The following UBA1 variants were observed in gnomAD, a reference collection of about 807,000 sequenced individuals.
UBA1 encodes the protein ubiquitin like modifier activating enzyme 1, also known as ubiquitin-like modifier-activating enzyme 1.
Under a neutral mutation model 84.7 loss-of-function variants are expected in UBA1, and 4 were observed. The ratio of observed to expected loss-of-function variants is 0.05; its 90% CI spans 0.02 to 0.11. The LOEUF (loss-of-function observed/expected upper bound fraction) is 0.11, where lower values mean the gene tolerates loss of function less well. Ranked by LOEUF, UBA1 falls within the 10% of genes least tolerant of loss-of-function variation. The pLI, the probability that UBA1 is intolerant of heterozygous loss-of-function variation, is 1.00. For synonymous variants in UBA1, 364 were observed against 362.6 expected, an observed-to-expected ratio of 1.00 and a Z score of -0.04; for missense variants, 513 against 902.8, an observed-to-expected ratio of 0.57 and a Z score of 5.53.
chrX:47,197,045 A>G, intron 1 of UBA1: 2 of 699,501 alleles, frequency 2.9e-6, no homozygotes, highest in Non-Finnish European at 3.4e-6. Context: ...GAGTCAGTAA[A>G]TGGAAAATAT....
intron 5 of UBA1, among the ~76,000 whole-genome samples, chrX:47,199,929 C>T (rs930405970): frequency 3.6e-4 from 40 of 110,282 alleles, no homozygotes; most frequent in African/African-American, 1.3e-3. Flanking sequence ...ACTACAGGCG[C>T]CTGCCACCAC....
In UBA1 at chrX:47,198,007, C is replaced by T. The variant is rs1175257085; in HGVS notation, c.1-796C>T. On this transcript the variant is annotated intron_variant, in intron 1 of 25. Transcript: ENST00000335972. ...AATACTCATTTATCATTGTGGTTAA[C>T]CTGTTTAAGGGACTCCGCATGCAGA... The T allele has an allele frequency of 3.4e-6, 3 of 875,927 alleles. No homozygotes were observed. In the Admixed American group the frequency reaches 1.7e-4, roughly 50 times the overall value. 72.2% of individuals were successfully genotyped at this position (875,927 alleles called of 1,213,427 possible).
chrX:47,194,543 C>T (rs1453276405), intron 1 of UBA1, among the ~76,000 whole-genome samples: 2 of 111,771 alleles, frequency 1.8e-5, no homozygotes, highest in Non-Finnish European at 3.8e-5. Context: ...TAGCATTTTC[C>T]TTCAGACCCC....
chrX:47,197,697 T>TA (rs1206740281), intron 1 of UBA1: 1 of 674,627 alleles, frequency 1.5e-6, no homozygotes, highest in Non-Finnish European at 1.8e-6. Context: ...GCAAGGACAC[T>TA]AAACTCTGCC....
intron 14 of UBA1, among the ~76,000 whole-genome samples, chrX:47,204,010 A>C (rs1319522587): frequency 5.5e-5 from 6 of 109,178 alleles, no homozygotes; most frequent in Non-Finnish European, 1.1e-4. Context: ...AGCCTCCCAA[A>C]GTGTTGGTAT....
chrX:47,196,551 T>C (rs1936212778), intron 1 of UBA1, among the ~76,000 whole-genome samples: 1 of 111,097 alleles, frequency 9.0e-6, no homozygotes, highest in Non-Finnish European at 1.9e-5. Context: ...TGAGCAAATG[T>C]TGAGGTAGGA....
chrX:47,203,003 C>G lies in UBA1; in HGVS notation c.1294C>G (p.Leu432Val). 1.7e-6 allele frequency: 2 copies of G among 1,211,928 alleles called. No homozygotes were observed. The highest frequency in any genetic ancestry group is 2.2e-6 in the Non-Finnish European group (2 of 895,449). The change falls in exon 12 of 26, where the codon CTC becomes GTC. Residue 432 changes from leucine to valine, a missense_variant. Transcript: ENST00000335972. ...QWLYFDALEC[L>V]PEDKEVLTED... ...GCTATACTTTGATGCCCTTGAGTGTCTCCCTGAGGACAAAGAGGTCCTCAC... is the reference window on the plus strand; with the variant it reads ...GCTATACTTTGATGCCCTTGAGTGTGTCCCTGAGGACAAAGAGGTCCTCAC...
intron 14 of UBA1, chrX:47,205,186 C>G (rs1936609714): frequency 1.9e-5 from 4 of 206,100 alleles, no homozygotes; most frequent in Non-Finnish European, 3.7e-5. Context: ...TGGGAGGGGT[C>G]AGGGAGCCAA....
At chrX:47,206,591 C>T (rs782019456) in intron 16 of UBA1, 147 bp downstream of exon 16, 137 of 567,903 alleles carry the variant, frequency 2.4e-4, no homozygotes, top group Non-Finnish European at 3.7e-4. Context: ...TCACTTCCCA[C>T]CAGGCAGCCT....
In UBA1 at chrX:47,203,151, C is replaced by T. The variant is rs375669736; in HGVS notation, c.1356C>T (p.Asp452=). ...DKCLQRQNRY[D]GQVAVFGSDL... ...TTCCTTAGCGCCAGAACCGTTATGA[C>T]GGGCAAGTGGCTGTGTTTGGCTCAG... The change falls in exon 13 of 26, where the codon GAC becomes GAT. Residue 452 remains aspartate (D), a synonymous_variant. Transcript: ENST00000335972. 42 of 1,210,089 alleles carry T rather than the reference C, an allele frequency of 3.5e-5. No individual in the cohort carries two copies. The highest frequency in any genetic ancestry group is 4.1e-5 in the Non-Finnish European group (37 of 895,223).
chrX:47,195,293 A>G (rs2147241110), intron 1 of UBA1, among the ~76,000 whole-genome samples: 2 of 110,682 alleles, frequency 1.8e-5, no homozygotes, highest in South Asian at 7.9e-4. Flanking sequence ...TATGTCGTCC[A>G]GGCTGGAGTG....
rs1163285180 is a variant in UBA1, at chrX:47,199,710, C to T, written c.480+96C>T. On this transcript the variant is annotated intron_variant, in intron 5 of 25. Transcript: ENST00000335972. ...TTCAATATTGATTTAATGGGTCGGC[C>T]TGAATGTCAGGTTTTGTGCTGGGGG... is the stretch of plus-strand genomic sequence containing the variant. The T allele has an allele frequency of 3.8e-6, 4 of 1,059,630 alleles. No individual in the cohort carries two copies. The East Asian group carries it at 9.1e-5, about 24-fold the overall frequency. 87.3% of individuals were successfully genotyped at this position (1,059,630 alleles called of 1,213,427 possible).
Position 47,213,056 on chromosome X carries a change from G to C in UBA1, c.2713G>C (p.Val905Leu), listed in dbSNP as rs781818505. 1 of 1,212,177 alleles carries C rather than the reference G, an allele frequency of 8.2e-7. No individual in the cohort carries two copies. The highest frequency in any genetic ancestry group is 1.8e-5 in the South Asian group (1 of 57,036). Residue 905 changes from valine to leucine, a missense_variant, in exon 23 of 26, where the codon GTG (valine) becomes CTG (leucine). Val to Leu is a conservative substitution (Grantham distance 32). Coordinates refer to ENST00000335972, the MANE Select transcript of UBA1 (RefSeq NM_003334.4). ...GACCACAGCAGCCGTGGTTGGCCTT[G>C]TGTGTCTGGAGCTGTACAAGGTTGT... ...ATTTAAVVGLVCLELYKVVQG... is the reference protein window; with the variant it reads ...ATTTAAVVGLLCLELYKVVQG...
chrX:47,204,139 GTTTTTTTTTTTTTTTT>G (rs55829376), intron 14 of UBA1, among the ~76,000 whole-genome samples: 1 of 16,860 alleles, frequency 5.9e-5, no homozygotes, highest in East Asian at 2.1e-3. Flanking sequence ...CTCAGCTTCT[GTTTTTTTTTTTTTTTT>G]TTTTTTTTTT....
At chrX:47,211,285 C>G in intron 20 of UBA1, 60 bp downstream of exon 20, 1 of 1,143,271 alleles carries the variant, frequency 8.7e-7, no homozygotes, top group Non-Finnish European at 1.2e-6. Context: ...CTAGTCCAGC[C>G]TCCCCACCAG....
intron 25 of UBA1, 24 bp downstream of exon 25, chrX:47,214,661 A>C (rs1556794674): frequency 1.7e-6 from 2 of 1,197,546 alleles, no homozygotes; most frequent in African/African-American, 1.8e-5. Context: ...TGGCCAGGCT[A>C]GGGGAGGCCC....
chrX:47,201,035 T>A (rs1936398427), intron 6 of UBA1, 35 bp downstream of exon 6: 1 of 1,098,917 alleles, frequency 9.1e-7, no homozygotes, highest in Non-Finnish European at 1.2e-6. Context: ...CTGTCCCCTT[T>A]TCCCCCAACT....
At chrX:47,194,996 C>T (rs1184979995) in intron 1 of UBA1, among the ~76,000 whole-genome samples, 19 of 111,496 alleles carry the variant, frequency 1.7e-4, no homozygotes, top group Non-Finnish European at 3.6e-4. Context: ...TGGCTTCTAG[C>T]CCCTTCCATC....
chrX:47,200,072 A>T (rs1176892006), intron 5 of UBA1, among the ~76,000 whole-genome samples: 1 of 111,278 alleles, frequency 9.0e-6, no homozygotes, highest in African/African-American at 3.3e-5. Context: ...GGTGTGAGCC[A>T]CCGCACCCGG....
Sources: gnomAD v4.1 joint callset for allele counts (sites outside exome capture counted in the v4.1 genomes callset) on GRCh38, gnomAD v4.1.1 for gene constraint, MANE v1.5 for transcripts, NCBI Gene and HGNC (gene_info 2026-07-23, HGNC 2026-07-21) for gene names.